XKR9: variants seen among roughly 807,000 people sequenced by gnomAD.
XKR9 encodes the protein XK-related protein 9.
Under a neutral mutation model 32.0 loss-of-function variants are expected in XKR9, and 32 were observed. That is an observed-to-expected ratio of 1.00 (90% CI 0.76 to 1.34). The LOEUF is 1.34. Ranked by LOEUF, XKR9 falls within the 40% of genes most tolerant of loss-of-function variation. The pLI is 0.00. For synonymous variants in XKR9, 168 were observed against 143.4 expected (o/e 1.17, Z -1.22); for missense variants, 546 against 429.7 (o/e 1.27, Z -2.39).
intron 2 of XKR9, among the ~76,000 whole-genome samples, chr8:70,748,768 G>A (rs1807093799): frequency 6.6e-6 from 1 of 152,208 alleles, no homozygotes; most frequent in African/African-American, 2.4e-5. Flanking sequence ...CTGCCCAGAT[G>A]AGAATTTATG....
At chr8:70,730,945 AT>A (rs1411667342) in intron 4 of XKR9, among the ~76,000 whole-genome samples, 1 of 152,236 alleles carries the variant, frequency 6.6e-6, no homozygotes, top group Non-Finnish European at 1.5e-5. Context: ...AAGGGAAAGT[AT>A]CCCCACATGG....
At chr8:70,698,322 A>T (rs1805371559) in intron 3 of XKR9, among the ~76,000 whole-genome samples, 1 of 152,092 alleles carries the variant, frequency 6.6e-6, no homozygotes, top group South Asian at 2.1e-4. Context: ...GTGGGCATTT[A>T]GTGCTATAAA....
the XKR9 span, among the ~76,000 whole-genome samples, chr8:71,062,919 G>A: frequency 2.0e-5 from 3 of 151,720 alleles, no homozygotes; most frequent in African/African-American, 7.3e-5. Flanking sequence ...CTTTGTCTCC[G>A]GCCCCTCTGT....
At chr8:71,020,014 A>C in the XKR9 span, among the ~76,000 whole-genome samples, 2 of 152,204 alleles carry the variant, frequency 1.3e-5, no homozygotes. Context: ...CTCAGTGATC[A>C]GTCAACTCAG....
chr8:70,901,642 T>C, the XKR9 span, among the ~76,000 whole-genome samples: 7 of 152,234 alleles, frequency 4.6e-5, no homozygotes, highest in African/African-American at 1.7e-4. Flanking sequence ...TTTCTTTTGC[T>C]GTGCAGAAGC....
chr8:70,893,032 TC>T, the XKR9 span, among the ~76,000 whole-genome samples: 1 of 152,310 alleles, frequency 6.6e-6, no homozygotes, highest in African/African-American at 2.4e-5. Flanking sequence ...CATGTTTTTT[TC>T]ATTCTTATTT....
In XKR9 at chr8:70,760,731, G is replaced by A. The variant is rs187226951; in HGVS notation, n.353-28608G>A. ...TTTAAAAAAATTTATTTTAAGTTCA[G>A]GGGTACATGTGCAGGATGTGCAGGT... is the stretch of plus-strand genomic sequence containing the variant. On this transcript the variant is annotated intron_variant and non_coding_transcript_variant, in intron 2 of 3. Coordinates refer to the XKR9 transcript ENST00000520273. Among the ~76,000 whole-genome samples the A allele has an allele frequency of 3.0e-3, 452 of 152,242 alleles. 1 individual carries two copies. The highest frequency in any genetic ancestry group is 0.01 in the African/African-American group (430 of 41,552).
chr8:70,940,882 T>A, the XKR9 span, among the ~76,000 whole-genome samples: 4 of 152,260 alleles, frequency 2.6e-5, no homozygotes, highest in Non-Finnish European at 5.9e-5. Context: ...TCCAGGGTTT[T>A]CCCTGGTTGA....
chr8:70,960,504 C>T, the XKR9 span, among the ~76,000 whole-genome samples: 1 of 152,128 alleles, frequency 6.6e-6, no homozygotes, highest in Non-Finnish European at 1.5e-5. Context: ...TTGCTGAATC[C>T]ATTTGAAAAG....
intron 2 of XKR9, among the ~76,000 whole-genome samples, chr8:70,741,291 C>T (rs962075162): frequency 1.1e-4 from 17 of 152,178 alleles, no homozygotes; most frequent in African/African-American, 4.1e-4. Flanking sequence ...GAGACCTGAG[C>T]TAGCACACTC....
chr8:70,709,147 A>G (rs1030129404), intron 4 of XKR9, among the ~76,000 whole-genome samples: 2 of 152,190 alleles, frequency 1.3e-5, no homozygotes, highest in Non-Finnish European at 2.9e-5. Context: ...TTCAACATAC[A>G]TAAATCAATA....
intron 1 of XKR9, among the ~76,000 whole-genome samples, chr8:70,670,824 A>G (rs946381032): frequency 9.8e-5 from 15 of 152,334 alleles, no homozygotes; most frequent in African/African-American, 3.4e-4. Flanking sequence ...AATCTCCTAC[A>G]TCAGGCATTT....
chr8:70,998,870 G>C, the XKR9 span, among the ~76,000 whole-genome samples: 1 of 152,170 alleles, frequency 6.6e-6, no homozygotes, highest in Non-Finnish European at 1.5e-5. Context: ...CTCGGTGTCT[G>C]TGGAAGATTG....
the XKR9 span, among the ~76,000 whole-genome samples, chr8:70,918,768 CTTTTTTTTT>C: frequency 6.4e-4 from 41 of 64,138 alleles, no homozygotes; most frequent in African/African-American, 2.0e-3. Context: ...TCATGGGATC[CTTTTTTTTT>C]TTTTTTTTTT....
chr8:70,708,996 AAAG>A (rs569817636), intron 4 of XKR9, among the ~76,000 whole-genome samples: 243 of 152,262 alleles, frequency 1.6e-3, no homozygotes, highest in African/African-American at 5.7e-3. Flanking sequence ...CACAAGAAAA[AAAG>A]AAAACTCCAG....
chr8:70,965,738 A>C, the XKR9 span, among the ~76,000 whole-genome samples: 1 of 152,298 alleles, frequency 6.6e-6, no homozygotes, highest in East Asian at 1.9e-4. Context: ...GTTTATGTGC[A>C]TAGAGGTGTT....
the XKR9 span, among the ~76,000 whole-genome samples, chr8:70,992,565 C>G: frequency 2.0e-5 from 3 of 152,244 alleles, no homozygotes; most frequent in Non-Finnish European, 2.9e-5. Context: ...TTTGTGAGAC[C>G]GGTGCAAGGA....
chr8:70,725,576 T>G (rs1261145458), intron 4 of XKR9, among the ~76,000 whole-genome samples: 1 of 152,110 alleles, frequency 6.6e-6, no homozygotes, highest in African/African-American at 2.4e-5. Flanking sequence ...TGTAGAACTT[T>G]TTGACTTTTA....
At chr8:70,861,419 G>A in the XKR9 span, among the ~76,000 whole-genome samples, 2 of 152,048 alleles carry the variant, frequency 1.3e-5, no homozygotes, top group Non-Finnish European at 2.9e-5. Context: ...GGGAGGCTGA[G>A]GAAGGAGGAT....
Sources: gnomAD v4.1 joint callset for allele counts (sites outside exome capture counted in the v4.1 genomes callset) on GRCh38, gnomAD v4.1.1 for gene constraint, MANE v1.5 for transcripts, NCBI Gene and HGNC (gene_info 2026-07-23, HGNC 2026-07-21) for gene names.